LARGE1: variants seen among roughly 807,000 people sequenced by gnomAD.
LARGE1 encodes the protein xylosyl- and glucuronyltransferase LARGE1.
In LARGE1, 43 loss-of-function variants were observed where a neutral mutation model predicts 87.6. That is an observed-to-expected ratio of 0.49 (90% CI 0.38 to 0.63). LARGE1 has a LOEUF of 0.63. Ranked by LOEUF, LARGE1 falls within the 30% of genes least tolerant of loss-of-function variation. LARGE1 has a pLI of 0.00. For synonymous variants in LARGE1, 434 were observed against 394.6 expected (o/e 1.10, Z -1.18); for missense variants, 802 against 1,000.2 (o/e 0.80, Z 2.67).
chr22:33,827,460 T>C (rs557503352), intron 1 of LARGE1, among the ~76,000 whole-genome samples: 179 of 152,250 alleles, frequency 1.2e-3, no homozygotes, highest in African/African-American at 4.2e-3. Context: ...TTTTGGCACA[T>C]GGACTGCAAA....
intron 5 of LARGE1, among the ~76,000 whole-genome samples, chr22:33,571,250 G>C (rs887588381): frequency 1.3e-5 from 2 of 152,134 alleles, no homozygotes; most frequent in Non-Finnish European, 2.9e-5. Context: ...TGGGGGGTTG[G>C]GGATGCTCTC....
intron 2 of LARGE1, among the ~76,000 whole-genome samples, chr22:33,716,068 T>A (rs2082898794): frequency 6.6e-6 from 1 of 152,198 alleles, no homozygotes; most frequent in South Asian, 2.1e-4. Context: ...TCACCCCATA[T>A]ACTTAAGTAT....
At chr22:33,422,132 C>T (rs188542308) in intron 7 of LARGE1, among the ~76,000 whole-genome samples, 37 of 152,354 alleles carry the variant, frequency 2.4e-4, no homozygotes, top group Admixed American at 1.1e-3. Context: ...ACACTGGCAA[C>T]ACCTCCAACC....
intron 11 of LARGE1, among the ~76,000 whole-genome samples, chr22:33,171,139 T>G (rs1922549655): frequency 6.6e-6 from 1 of 152,130 alleles, no homozygotes; most frequent in Non-Finnish European, 1.5e-5. Flanking sequence ...TTGAGTGAGA[T>G]AATTTAGGGT....
chr22:33,655,179 A>C (rs770081404), intron 2 of LARGE1, among the ~76,000 whole-genome samples: 6 of 152,014 alleles, frequency 3.9e-5, no homozygotes, highest in Non-Finnish European at 8.8e-5. Context: ...TTTTTTTTAA[A>C]GGTGTTTTTG....
chr22:33,447,043 C>A (rs6518824), intron 6 of LARGE1, among the ~76,000 whole-genome samples: 80,390 of 152,036 alleles, frequency 0.53, 22,690 homozygotes, highest in African/African-American at 0.71. Context: ...ACAGGCACGC[C>A]ACACTGCAAT....
the LARGE1 span, among the ~76,000 whole-genome samples, chr22:33,119,533 T>C: frequency 6.6e-6 from 1 of 152,090 alleles, no homozygotes; most frequent in Non-Finnish European, 1.5e-5. Context: ...TGGCCTGTTA[T>C]GGGCACAAAG....
intron 11 of LARGE1, among the ~76,000 whole-genome samples, chr22:33,258,163 T>C (rs35239351): frequency 7.2e-5 from 11 of 152,120 alleles, no homozygotes; most frequent in Non-Finnish European, 1.6e-4. Flanking sequence ...CCCAAGTAGC[T>C]GGGATTACAG....
intron 1 of LARGE1, among the ~76,000 whole-genome samples, chr22:33,894,043 CTCTAAG>C (rs1004408653): frequency 4.6e-5 from 7 of 152,056 alleles, no homozygotes; most frequent in Non-Finnish European, 1.0e-4. Flanking sequence ...GACCTGGATG[CTCTAAG>C]TCTAAGGGTC....
At chr22:33,513,608 C>T (rs1483984228) in intron 6 of LARGE1, among the ~76,000 whole-genome samples, 2 of 152,100 alleles carry the variant, frequency 1.3e-5, no homozygotes, top group African/African-American at 4.8e-5. Flanking sequence ...GCAAAACAAA[C>T]ACATGCAAGA....
At chr22:33,380,595 C>T (rs2065125473) in intron 9 of LARGE1, among the ~76,000 whole-genome samples, 1 of 152,120 alleles carries the variant, frequency 6.6e-6, no homozygotes, top group African/African-American at 2.4e-5. Flanking sequence ...GTGGCTCACC[C>T]AGAAAATGCT....
At chr22:33,905,115 G>C (rs916983138) in intron 1 of LARGE1, among the ~76,000 whole-genome samples, 18 of 144,868 alleles carry the variant, frequency 1.2e-4, no homozygotes, top group African/African-American at 2.6e-5. Context: ...ACCCAGACTG[G>C]AGTGCAATGG....
At chr22:33,921,746 C>G (rs1231943916), upstream of LARGE1, among the ~76,000 whole-genome samples, 2 of 152,096 alleles carry the variant, frequency 1.3e-5, no homozygotes, top group Non-Finnish European at 2.9e-5. This position sits in a 1 kb window ranked among gnomAD's most constrained non-coding sequence, Gnocchi z 4.1. Flanking sequence ...GCATAAGAAC[C>G]CGGCGCGCAA....
chr22:33,547,568 G>A (rs1331988863), intron 6 of LARGE1, among the ~76,000 whole-genome samples: 1 of 151,920 alleles, frequency 6.6e-6, no homozygotes, highest in East Asian at 1.9e-4. Flanking sequence ...GGACGAGGCA[G>A]GTGGATCATG....
chr22:33,922,546 G>A (rs2065977970), upstream of LARGE1: 1 of 152,136 alleles, frequency 6.6e-6, no homozygotes, highest in Non-Finnish European at 1.5e-5. Flanking sequence ...CAGCGTCCCC[G>A]GCGAAGAAGT....
intron 10 of LARGE1, among the ~76,000 whole-genome samples, chr22:33,330,486 C>T (rs8138098): frequency 0.091 from 13,765 of 152,048 alleles, 1,607 homozygotes; most frequent in African/African-American, 0.28. Flanking sequence ...CCGCACCCTG[C>T]CATTTCTTGG....
intron 1 of LARGE1, among the ~76,000 whole-genome samples, chr22:33,775,015 C>T (rs1348542038): frequency 6.6e-6 from 1 of 152,154 alleles, no homozygotes; most frequent in Admixed American, 6.5e-5. Context: ...TATAGAGAAC[C>T]GGATTTAACT....
intron 2 of LARGE1, among the ~76,000 whole-genome samples, chr22:33,745,822 G>C (rs73170569): frequency 6.6e-6 from 1 of 152,060 alleles, no homozygotes; most frequent in African/African-American, 2.4e-5. Flanking sequence ...TGGAAGTTCC[G>C]ACCTAGTACA....
At chr22:33,128,705 AAAAAGAAAAG>A in the LARGE1 span, among the ~76,000 whole-genome samples, 2 of 132,348 alleles carry the variant, frequency 1.5e-5, no homozygotes, top group African/African-American at 2.8e-5. Flanking sequence ...AAAGAAAAAG[AAAAAGAAAAG>A]AAAAGAAAAG....
Sources: allele counts gnomAD v4.1 joint callset (sites outside exome capture counted in the v4.1 genomes callset), GRCh38; gene constraint gnomAD v4.1.1; non-coding constraint Gnocchi (gnomAD v3.1); transcripts MANE v1.5; gene names NCBI Gene and HGNC (gene_info 2026-07-23, HGNC 2026-07-21).